SAMMSON: variants seen among roughly 807,000 people sequenced by gnomAD.
SAMMSON encodes the protein survival associated mitochondrial melanoma specific oncogenic non-coding RNA.
Position 70,287,049 on chromosome 3 carries a change from T to G in SAMMSON, n.675-4130T>G, listed in dbSNP as rs374983531. Reference sequence around the variant, plus strand: ...CTTTTCCTAATTGAATACCCTTTATTTCCTTCTCCTGCCTAATTGCCCTGG... The same window carrying G: ...CTTTTCCTAATTGAATACCCTTTATGTCCTTCTCCTGCCTAATTGCCCTGG... On this transcript the variant is annotated intron_variant and non_coding_transcript_variant, in intron 6 of 9. Transcript: ENST00000642114. Among the ~76,000 whole-genome samples the G allele has an allele frequency of 1.9e-3, 276 of 146,260 alleles. 2 individuals carry two copies. In the East Asian group the frequency reaches 0.039, roughly 21 times the overall value.
intron 4 of SAMMSON, among the ~76,000 whole-genome samples, chr3:70,085,276 C>G (rs2067281211): frequency 6.9e-6 from 1 of 144,830 alleles, no homozygotes; most frequent in African/African-American, 2.9e-5. Context: ...TAATATCCTT[C>G]TTGTTGGTAA....
At chr3:70,382,948 TA>T (rs1329738884) in intron 9 of SAMMSON, among the ~76,000 whole-genome samples, 1 of 152,140 alleles carries the variant, frequency 6.6e-6, no homozygotes, top group Non-Finnish European at 1.5e-5. Context: ...GTTTGGAAGA[TA>T]AAGGTTGTTT....
chr3:70,395,348 T>TTTTTTTTTG (rs545231969), intron 2 of SAMMSON, among the ~76,000 whole-genome samples: 2 of 149,736 alleles, frequency 1.3e-5, no homozygotes, highest in African/African-American at 5.0e-5. Context: ...TTTTTTTTTT[T>TTTTTTTTTG]TGTGTTGTTG....
At chr3:70,332,185 C>A (rs1702625813) in intron 7 of SAMMSON, among the ~76,000 whole-genome samples, 1 of 152,176 alleles carries the variant, frequency 6.6e-6, no homozygotes, top group Admixed American at 6.5e-5. Context: ...ACACAGCATT[C>A]AAAAGAGAAA....
intron 6 of SAMMSON, among the ~76,000 whole-genome samples, chr3:70,277,095 G>T (rs1028696534): frequency 6.6e-6 from 1 of 152,018 alleles, no homozygotes; most frequent in Non-Finnish European, 1.5e-5. Context: ...TCAATGAGGC[G>T]TGAGAAACAT....
intron 9 of SAMMSON, among the ~76,000 whole-genome samples, chr3:70,368,070 A>G (rs373267912): frequency 6.7e-6 from 1 of 150,120 alleles, no homozygotes; most frequent in African/African-American, 2.4e-5. Context: ...TTATCTTTTC[A>G]TTTTCTTAAG....
chr3:70,196,022 C>T (rs1701175073), intron 4 of SAMMSON, among the ~76,000 whole-genome samples: 1 of 152,258 alleles, frequency 6.6e-6, no homozygotes, highest in East Asian at 1.9e-4. Context: ...AATAAGTACC[C>T]TCAACGCTTA....
rs138493984 is a variant in SAMMSON, at chr3:70,151,541, T to A, written n.507+79976T>A. Among the ~76,000 whole-genome samples, 113 of 152,138 alleles carry A rather than the reference T, an allele frequency of 7.4e-4. 1 individual carries two copies. Among genetic ancestry groups the A allele is most frequent in the African/African-American group, 2.6e-3 (106 of 41,552 alleles). Reference sequence around the variant, plus strand: ...TTTGCCTCAGTCTCTAAGAACATCATCCTCAACCACAAAACAGAACCAATA... The same window carrying A: ...TTTGCCTCAGTCTCTAAGAACATCAACCTCAACCACAAAACAGAACCAATA... On this transcript the variant is annotated intron_variant and non_coding_transcript_variant, in intron 4 of 9. Transcript: ENST00000642114.
At chr3:70,205,565 C>T (rs1004308319) in intron 4 of SAMMSON, 7 of 151,432 alleles carry the variant, frequency 4.6e-5, no homozygotes, top group Non-Finnish European at 1.0e-4. Context: ...TTTTTTTGAT[C>T]CCCAACATAC....
At chr3:70,213,235 G>A (rs1701367890) in intron 4 of SAMMSON, among the ~76,000 whole-genome samples, 1 of 152,104 alleles carries the variant, frequency 6.6e-6, no homozygotes, top group East Asian at 1.9e-4. Flanking sequence ...AGCCTCCTGA[G>A]TAGATCTTTT....
intron 2 of SAMMSON, among the ~76,000 whole-genome samples, chr3:70,433,702 T>C (rs1701434245): frequency 6.6e-6 from 1 of 152,264 alleles, no homozygotes; most frequent in East Asian, 1.9e-4. Flanking sequence ...ATGCTTTTCA[T>C]ATTGTATCTA....
chr3:70,351,027 T>A (rs1702791557), intron 7 of SAMMSON, among the ~76,000 whole-genome samples: 1 of 152,182 alleles, frequency 6.6e-6, no homozygotes, highest in Admixed American at 6.5e-5. Flanking sequence ...ACTCATAATA[T>A]GTACCTGAAA....
At chr3:70,336,971 G>T (rs1702666363) in intron 7 of SAMMSON, among the ~76,000 whole-genome samples, 1 of 147,588 alleles carries the variant, frequency 6.8e-6, no homozygotes, top group Admixed American at 6.8e-5. Flanking sequence ...TCTCCCTCAT[G>T]TTGCAGAAAA....
intron 4 of SAMMSON, chr3:70,094,879 G>C (rs952833741): frequency 1.3e-5 from 2 of 152,236 alleles, no homozygotes; most frequent in Non-Finnish European, 2.9e-5. Context: ...TAAAGGTGGG[G>C]AGGGAGAGGT....
chr3:70,366,113 C>T lies in SAMMSON; in HGVS notation n.913+7789C>T, dbSNP rs1344625762. On this transcript the variant is annotated intron_variant and non_coding_transcript_variant, in intron 9 of 9. Coordinates refer to ENST00000642114, the Ensembl canonical transcript of SAMMSON. ...TCACGCCATTCTCCTGCCTCAGCCT[C>T]CCGAGTAGCTGGGACTACAGGCGCC... Among the ~76,000 whole-genome samples the T allele has an allele frequency of 5.3e-5, 4 of 75,778 alleles. 1 individual carries two copies. The highest frequency in any genetic ancestry group is 2.0e-4 in the African/African-American group (4 of 20,478). The allele number at this position is 75,778 out of a possible 152,430, so 49.7% of individuals were successfully genotyped here. A position where few individuals can be genotyped will look rare whatever the true frequency, so the allele number is the denominator to read the frequency against.
At chr3:70,285,157 C>G (rs1475239830) in intron 6 of SAMMSON, among the ~76,000 whole-genome samples, 1 of 151,200 alleles carries the variant, frequency 6.6e-6, no homozygotes, top group African/African-American at 2.4e-5. Flanking sequence ...ACTGCACCCA[C>G]TAACTTGTCA....
At chr3:70,208,193 A>G (rs1701310192) in intron 4 of SAMMSON, among the ~76,000 whole-genome samples, 1 of 152,114 alleles carries the variant, frequency 6.6e-6, no homozygotes, top group African/African-American at 2.4e-5. Flanking sequence ...GTTTGGTGGC[A>G]CAACTGGGAC....
At chr3:70,177,383 G>C (rs1263022641) in intron 4 of SAMMSON, among the ~76,000 whole-genome samples, 3 of 152,122 alleles carry the variant, frequency 2.0e-5, no homozygotes, top group African/African-American at 4.8e-5. Context: ...TTGTCCAGAA[G>C]GTAGAAAACA....
intron 4 of SAMMSON, chr3:70,183,646 C>G (rs998860420): frequency 6.6e-6 from 1 of 152,184 alleles, no homozygotes; most frequent in Admixed American, 6.5e-5. Context: ...ACAGTGTCCC[C>G]TGGGGTGTCC....
Sources: allele counts gnomAD v4.1 joint callset (sites outside exome capture counted in the v4.1 genomes callset), GRCh38; gene constraint gnomAD v4.1.1; transcripts MANE v1.5; gene names NCBI Gene and HGNC (gene_info 2026-07-23, HGNC 2026-07-21).